The following INKA2 variants were observed in gnomAD, a reference collection of about 807,000 sequenced individuals.
INKA2 encodes the protein PAK4-inhibitor INKA2.
Under a neutral mutation model 9.8 loss-of-function variants are expected in INKA2, and 3 were observed. That is an observed-to-expected ratio of 0.31 (90% CI 0.14 to 0.79). INKA2 has a LOEUF of 0.79. Among genes scored for constraint, INKA2 ranks in the 30% least tolerant of loss-of-function variants. INKA2 has a pLI of 0.62. For synonymous variants in INKA2, 147 were observed against 143.3 expected, an observed-to-expected ratio of 1.03 and a Z score of -0.18; for missense variants, 392 against 384.4, an observed-to-expected ratio of 1.02 and a Z score of -0.17.
Position 111,745,268 on chromosome 1 carries a change from TA to T in INKA2, n.124+10432del, listed in dbSNP as rs1557915333. The T allele has an allele frequency of 2.7e-4, 10 of 36,654 alleles. 1 individual carries two copies. The highest frequency in any genetic ancestry group is 8.8e-4 in the African/African-American group (7 of 7,936). 2.3% of individuals were successfully genotyped at this position (36,654 alleles called of 1,614,324 possible). ...CACACACACACACACAGAGATATTA[TA>T]TATATATATATATATATATATATAT... On this transcript the variant is annotated intron_variant and non_coding_transcript_variant, in intron 1 of 1. Transcript: ENST00000444059.
Position 111,723,265 on chromosome 1 carries a change from G to T in INKA2, c.*3703C>A, listed in dbSNP as rs774478171. The T allele has an allele frequency of 1.7e-6, 1 of 579,838 alleles. No homozygotes were observed. The highest frequency in any genetic ancestry group is 3.1e-6 in the Non-Finnish European group (1 of 327,126). The allele number at this position is 579,838 out of a possible 1,614,324, so 35.9% of individuals were successfully genotyped here. A position where few individuals can be genotyped will look rare whatever the true frequency, so the allele number is the denominator to read the frequency against. On this transcript the variant is annotated 3_prime_UTR_variant, in exon 2 of 2. Coordinates refer to ENST00000357260, the MANE Select transcript of INKA2 (RefSeq NM_019099.5). ...CCCAACAAGGCCCTAGGGAGGAGAT[G>T]GGGATGTGGAGAGGACAGAGCAACC...
chr1:111,733,002 G>A lies in INKA2; in HGVS notation c.58-5198C>T, dbSNP rs561312018. Reference sequence around the variant, plus strand: ...TCAGCACTAGCCCTTTCCTCTGCACGGCCTGATCCCCACGGCTAAACTCTG... The same window carrying A: ...TCAGCACTAGCCCTTTCCTCTGCACAGCCTGATCCCCACGGCTAAACTCTG... On this transcript the variant is annotated intron_variant, in intron 1 of 1. Transcript: ENST00000357260. Among the ~76,000 whole-genome samples the A allele has an allele frequency of 2.6e-5, 4 of 152,228 alleles. No individual in the cohort carries two copies. In the East Asian group the frequency reaches 5.8e-4, roughly 22 times the overall value.
At chr1:111,752,890 G>A (rs1032106835) in intron 1 of INKA2, among the ~76,000 whole-genome samples, 7 of 152,040 alleles carry the variant, frequency 4.6e-5, no homozygotes, top group Non-Finnish European at 5.9e-5. Flanking sequence ...AGTAGAGACA[G>A]GGTTTCACCA....
chr1:111,730,916 A>G (rs545193171), intron 1 of INKA2, among the ~76,000 whole-genome samples: 3 of 152,264 alleles, frequency 2.0e-5, no homozygotes, highest in East Asian at 3.9e-4. Context: ...CTACCCTCAG[A>G]CGGTAACTCA....
At chr1:111,749,453 C>CGCGCGT (rs1663351242) in intron 1 of INKA2, among the ~76,000 whole-genome samples, 1 of 151,072 alleles carries the variant, frequency 6.6e-6, no homozygotes, top group Non-Finnish European at 1.5e-5. Flanking sequence ...TGTGCGCGCG[C>CGCGCGT]GCGCGTGCTA....
At position 111,725,413 on chromosome 1, in the gene INKA2, T is replaced by TC. The variant is rs890337775; in HGVS notation, c.*1554dup. ...GAGGGACAGTGGCTTCCCAGGGCAG[T>TC]CCTGGGGGGGGGCCTGGATCACTAG... On this transcript the variant is annotated 3_prime_UTR_variant, in exon 2 of 2. Transcript: ENST00000357260. 5.8e-4 allele frequency: 89 copies of TC among 152,234 alleles called. No individual in the cohort carries two copies. Among genetic ancestry groups the TC allele is most frequent in the African/African-American group, 2.1e-3 (88 of 41,544 alleles). The allele number at this position is 152,234 out of a possible 1,614,324, so 9.4% of individuals were successfully genotyped here. A position where few individuals can be genotyped will look rare whatever the true frequency, so the allele number is the denominator to read the frequency against.
chr1:111,722,859 C>G lies in INKA2; in HGVS notation c.*4109G>C. On this transcript the variant is annotated 3_prime_UTR_variant, in exon 2 of 2. Transcript: ENST00000357260. ...GCCTTGGGTCACATGGTTAGTGCCTCTACTAAGGGGATGGGTTGTCCAGTA... is the reference window on the plus strand; with the variant it reads ...GCCTTGGGTCACATGGTTAGTGCCTGTACTAAGGGGATGGGTTGTCCAGTA... The G allele has an allele frequency of 3.8e-6, 2 of 520,412 alleles. No homozygotes were observed. The highest frequency in any genetic ancestry group is 6.8e-6 in the Non-Finnish European group (2 of 294,094). The allele number at this position is 520,412 out of a possible 1,614,324, so 32.2% of individuals were successfully genotyped here.
At position 111,723,436 on chromosome 1, in the gene INKA2, T is replaced by G; in HGVS notation, c.*3532A>C. 19 of 278,716 alleles carry G rather than the reference T, an allele frequency of 6.8e-5. No homozygotes were observed. Among genetic ancestry groups the G allele is most frequent in the East Asian group, 1.9e-4 (3 of 15,628 alleles). 17.3% of individuals were successfully genotyped at this position (278,716 alleles called of 1,614,324 possible). A position where few individuals can be genotyped will look rare whatever the true frequency, so the allele number is the denominator to read the frequency against. On this transcript the variant is annotated 3_prime_UTR_variant, in exon 2 of 2. Transcript: ENST00000357260. ...GGAGACCAGGCCGGCCCCACTAGCA[T>G]GCCCAGCAGGGACTCTTTTCTGTTC...
intron 1 of INKA2, chr1:111,755,551 G>C (rs1024104611): frequency 3.6e-6 from 3 of 843,624 alleles, no homozygotes; most frequent in Non-Finnish European, 5.4e-6. Context: ...ACGGGGGCGT[G>C]ACGCACCGGG....
chr1:111,741,244 G>T (rs1423630931), upstream of INKA2, among the ~76,000 whole-genome samples: 4 of 152,154 alleles, frequency 2.6e-5, no homozygotes. Context: ...CTAGCCCCAA[G>T]TGTCCCTCTG....
chr1:111,727,272 G>A lies in INKA2; in HGVS notation c.590C>T (p.Pro197Leu), dbSNP rs749808777. The A allele has an allele frequency of 2.0e-5, 33 of 1,614,044 alleles. No individual in the cohort carries two copies. The Admixed American group carries it at 4.5e-4, about 22-fold the overall frequency. Reference sequence around the variant, plus strand: ...GGCGAACCTGCGGCCCAGCTCCTGGGGCTGGCCTTTCTCTCCTTTGGGTTC... The same window carrying A: ...GGCGAACCTGCGGCCCAGCTCCTGGAGCTGGCCTTTCTCTCCTTTGGGTTC... ...AREPKGEKGQ[P>L]QELGRRFALT... The change falls in exon 2 of 2, where the codon CCC becomes CTC. Residue 197 changes from proline (P) to leucine (L), a missense_variant. Pro to Leu is a moderately conservative substitution (Grantham distance 98). Coordinates refer to ENST00000357260, the MANE Select transcript of INKA2 (RefSeq NM_019099.5).
At chr1:111,755,467 C>A (rs1571607065) in intron 1 of INKA2, 2 of 565,042 alleles carry the variant, frequency 3.5e-6, no homozygotes, top group Admixed American at 3.4e-5. Context: ...AGTCAGGGTA[C>A]GGAGCGGGTA....
At position 111,723,357 on chromosome 1, in the gene INKA2, G is replaced by C. The variant is rs1662691163; in HGVS notation, c.*3611C>G. On this transcript the variant is annotated 3_prime_UTR_variant, in exon 2 of 2. Transcript: ENST00000357260. ...CGGGGCACAAGGGAAGTGTCTGAGG[G>C]AGAGGGAAAAGAGAGGTCCCAAGTC... 6.4e-6 allele frequency: 3 copies of C among 467,852 alleles called. No individual in the cohort carries two copies. In the South Asian group the frequency reaches 1.2e-4, roughly 18 times the overall value. The allele number at this position is 467,852 out of a possible 1,614,324, so 29.0% of individuals were successfully genotyped here. A position where few individuals can be genotyped will look rare whatever the true frequency, so the allele number is the denominator to read the frequency against.
chr1:111,735,623 A>G (rs1018049991), intron 1 of INKA2, among the ~76,000 whole-genome samples: 1 of 152,210 alleles, frequency 6.6e-6, no homozygotes, highest in African/African-American at 2.4e-5. Context: ...CCCCAGCGTT[A>G]AACATCAAAG....
upstream of INKA2, among the ~76,000 whole-genome samples, chr1:111,741,432 C>T (rs1663149147): frequency 6.6e-6 from 1 of 152,246 alleles, no homozygotes; most frequent in African/African-American, 2.4e-5. Flanking sequence ...CAAGAGATCC[C>T]TTTCTATGGG....
intron 1 of INKA2, chr1:111,744,445 C>G (rs1251963972): frequency 1.3e-5 from 2 of 152,162 alleles, no homozygotes; most frequent in Non-Finnish European, 2.9e-5. Flanking sequence ...TTCAGCACAG[C>G]ACTCATTCAG....
intron 1 of INKA2, among the ~76,000 whole-genome samples, chr1:111,738,669 G>A (rs1322021886): frequency 6.6e-6 from 1 of 152,136 alleles, no homozygotes; most frequent in Non-Finnish European, 1.5e-5. Context: ...CAGAGCTGGG[G>A]GCCCAGGGTG....
chr1:111,737,521 T>C (rs1048213709), intron 1 of INKA2, among the ~76,000 whole-genome samples: 43 of 152,238 alleles, frequency 2.8e-4, no homozygotes, highest in African/African-American at 9.4e-4. Flanking sequence ...TTTCTCTGCA[T>C]GGGTCTTGGA....
At chr1:111,742,355 G>T (rs563938587), upstream of INKA2, among the ~76,000 whole-genome samples, 75 of 152,240 alleles carry the variant, frequency 4.9e-4, no homozygotes, top group African/African-American at 1.6e-3. Context: ...GGGAGGCCGA[G>T]GTGGGCAGAT....
Sources: allele counts gnomAD v4.1 joint callset (sites outside exome capture counted in the v4.1 genomes callset), GRCh38; gene constraint gnomAD v4.1.1; transcripts MANE v1.5; gene names NCBI Gene and HGNC (gene_info 2026-07-23, HGNC 2026-07-21).